Variants in RANBP17 observed in about 807,000 individuals in gnomAD.
RANBP17 encodes ran-binding protein 17.
Under a neutral mutation model 141.2 loss-of-function variants are expected in RANBP17, and 158 were observed. The observed-to-expected ratio is 1.12, with a 90% CI of 0.98 to 1.28. The LOEUF (loss-of-function observed/expected upper bound fraction) is 1.28. Among genes scored for constraint, RANBP17 ranks in the 50% most tolerant of loss-of-function variants. The pLI, the probability that RANBP17 is intolerant of heterozygous loss-of-function variation, is 0.00. For missense variants in RANBP17, 1,438 were observed against 1,290.7 expected (o/e 1.11, Z -1.75); for synonymous variants, 430 against 450.0 (o/e 0.96, Z 0.56).
chr5:170,931,624 A>G (rs534414538), intron 12 of RANBP17, among the ~76,000 whole-genome samples: 21 of 152,164 alleles, frequency 1.4e-4, no homozygotes, highest in Non-Finnish European at 2.6e-4. Flanking sequence ...CTTTCTATAT[A>G]TGGCTAGCCA....
intron 13 of RANBP17, among the ~76,000 whole-genome samples, chr5:170,962,885 T>C (rs1776251845): frequency 1.3e-5 from 2 of 152,190 alleles, no homozygotes; most frequent in South Asian, 4.1e-4. Flanking sequence ...TTTCTTAACA[T>C]GTTGGCAATA....
At chr5:171,133,194 C>G (rs918203524) in intron 14 of RANBP17, among the ~76,000 whole-genome samples, 2 of 152,046 alleles carry the variant, frequency 1.3e-5, no homozygotes, top group African/African-American at 4.8e-5. Flanking sequence ...GAATGTTTGT[C>G]TTTTAATAAA....
chr5:171,229,370 A>T (rs1294089223), intron 22 of RANBP17, among the ~76,000 whole-genome samples: 2 of 152,054 alleles, frequency 1.3e-5, no homozygotes, highest in Non-Finnish European at 2.9e-5. Context: ...CATGCACCTA[A>T]CATTTGTTGA....
chr5:171,146,160 A>T (rs1758015413), intron 14 of RANBP17, among the ~76,000 whole-genome samples: 1 of 152,174 alleles, frequency 6.6e-6, no homozygotes, highest in Non-Finnish European at 1.5e-5. Flanking sequence ...CTAAGGTAAC[A>T]AATAAGGATA....
At chr5:171,097,448 G>A (rs541609434) in intron 14 of RANBP17, among the ~76,000 whole-genome samples, 5 of 151,870 alleles carry the variant, frequency 3.3e-5, no homozygotes, top group South Asian at 2.1e-4. Flanking sequence ...TTAACTGTAC[G>A]TTTAATAAGT....
chr5:170,903,852 TC>T (rs1209981589), intron 5 of RANBP17: 1 of 459,008 alleles, frequency 2.2e-6, no homozygotes, highest in Non-Finnish European at 4.2e-6. Context: ...CCTAACAAGC[TC>T]CGCAAGATTT....
intron 14 of RANBP17, among the ~76,000 whole-genome samples, chr5:171,005,300 A>G (rs1049548880): frequency 6.6e-6 from 1 of 152,208 alleles, no homozygotes; most frequent in Non-Finnish European, 1.5e-5. Context: ...ATCCTAAGCC[A>G]AAAGAACAAA....
At chr5:171,059,306 T>G (rs924165525) in intron 14 of RANBP17, among the ~76,000 whole-genome samples, 33 of 152,296 alleles carry the variant, frequency 2.2e-4, no homozygotes, top group African/African-American at 7.5e-4. Context: ...GGTCTAACAT[T>G]TAAGTCTTGA....
chr5:171,027,914 T>C (rs1050602938), intron 14 of RANBP17, among the ~76,000 whole-genome samples: 1 of 152,078 alleles, frequency 6.6e-6, no homozygotes, highest in African/African-American at 2.4e-5. Flanking sequence ...GCAACCAGTT[T>C]TATTTTGAGT....
chr5:171,135,342 T>C (rs929758668), intron 14 of RANBP17, among the ~76,000 whole-genome samples: 2 of 152,014 alleles, frequency 1.3e-5, no homozygotes, highest in African/African-American at 4.8e-5. Context: ...GTTTACTGAC[T>C]TTTTTAAAAA....
intron 14 of RANBP17, among the ~76,000 whole-genome samples, chr5:171,055,884 AAAAAAAAAAAAAC>A (rs1783320189): frequency 3.2e-5 from 2 of 63,098 alleles, no homozygotes; most frequent in African/African-American, 8.5e-5. Flanking sequence ...TGTTGCCAAA[AAAAAAAAAAAAAC>A]AAAAAAAAAA....
intron 13 of RANBP17, among the ~76,000 whole-genome samples, chr5:170,954,927 G>T (rs1364395556): frequency 1.3e-5 from 2 of 152,174 alleles, no homozygotes. Flanking sequence ...ATAGCAGGAG[G>T]TGAGCTGCAG....
rs994985493 is a variant in RANBP17, at chr5:170,891,955, C to A, written c.257-432C>A. Among the ~76,000 whole-genome samples the A allele has an allele frequency of 3.3e-5, 5 of 152,082 alleles. 1 individual carries two copies. Among genetic ancestry groups the A allele is most frequent in the African/African-American group, 4.8e-5 (2 of 41,396 alleles). On this transcript the variant is annotated intron_variant, in intron 3 of 27. Transcript: ENST00000523189. ...CTATTCACGTTTTTCCCTAATATATCAAATGCATTGGAACAAATTTGCTTT... is the reference window on the plus strand; with the variant it reads ...CTATTCACGTTTTTCCCTAATATATAAAATGCATTGGAACAAATTTGCTTT...
At chr5:170,924,717 G>A in intron 12 of RANBP17, 167 bp downstream of exon 12, 1 of 451,538 alleles carries the variant, frequency 2.2e-6, no homozygotes, top group Non-Finnish European at 3.8e-6. Flanking sequence ...GTAATTTGTT[G>A]GTTGATTTTT....
At chr5:170,929,435 A>T (rs1357177048) in intron 12 of RANBP17, among the ~76,000 whole-genome samples, 1 of 152,118 alleles carries the variant, frequency 6.6e-6, no homozygotes, top group Non-Finnish European at 1.5e-5. Context: ...TGAATAACGT[A>T]TTATTTTGGG....
Position 171,008,423 on chromosome 5 carries a change from C to T in RANBP17, c.1710+40046C>T, listed in dbSNP as rs188950253. ...GGTCTTTGGCACCAAATGTCACGGA[C>T]GTCCGTGTGAAGAGATCACCAAACA... On this transcript the variant is annotated intron_variant, in intron 14 of 27. Transcript: ENST00000523189. Among the ~76,000 whole-genome samples, 17 of 152,240 alleles carry T rather than the reference C, an allele frequency of 1.1e-4. No individual in the cohort carries two copies. In the East Asian group the frequency reaches 2.7e-3, roughly 24 times the overall value.
chr5:171,149,986 A>C (rs547675668), intron 14 of RANBP17, among the ~76,000 whole-genome samples: 1 of 152,208 alleles, frequency 6.6e-6, no homozygotes, highest in Non-Finnish European at 1.5e-5. Flanking sequence ...GGAGGCAAGC[A>C]GAGTGTTGAA....
chr5:171,108,830 A>G (rs1755027144), intron 14 of RANBP17, among the ~76,000 whole-genome samples: 1 of 152,224 alleles, frequency 6.6e-6, no homozygotes, highest in African/African-American at 2.4e-5. Context: ...TTTGTTAATC[A>G]GGTAAAACTG....
chr5:171,198,955 A>G lies in RANBP17; in HGVS notation c.2039-715A>G, dbSNP rs75045292. Among the ~76,000 whole-genome samples the G allele has an allele frequency of 2.2e-3, 332 of 152,282 alleles. 5 individuals carry two copies. The East Asian group carries it at 0.031, about 14-fold the overall frequency. ...AAAAAGAATACTATATAAATTATCA[A>G]TTGTGCATATCCATGTGTGAAGTGA... On this transcript the variant is annotated intron_variant, in intron 18 of 27. Transcript: ENST00000523189.
Sources: allele counts gnomAD v4.1 joint callset (sites outside exome capture counted in the v4.1 genomes callset), GRCh38; gene constraint gnomAD v4.1.1; transcripts MANE v1.5; gene names NCBI Gene and HGNC (gene_info 2026-07-23, HGNC 2026-07-21).